IMMP2L: variants seen among roughly 807,000 people sequenced by gnomAD.
The protein encoded by IMMP2L is mitochondrial inner membrane protease subunit 2.
IMMP2L carries 18 observed loss-of-function variants against 19.3 expected under a neutral mutation model. That is an observed-to-expected ratio of 0.93 (90% confidence interval 0.64 to 1.38). IMMP2L has a LOEUF of 1.38. Ranked by LOEUF, IMMP2L falls within the 40% of genes most tolerant of loss-of-function variation. The probability of loss-of-function intolerance (pLI) is 0.00; values close to 1 mark genes in which losing one functional copy is unlikely to be tolerated. For synonymous variants in IMMP2L, 76 were observed against 73.0 expected, an observed-to-expected ratio of 1.04 and a Z score of -0.21; for missense variants, 233 against 218.2, an observed-to-expected ratio of 1.07 and a Z score of -0.43.
At position 110,854,981 on chromosome 7, in the gene IMMP2L, C is replaced by T. The variant is rs144244845; in HGVS notation, c.408+31612G>A. 1.3e-3 allele frequency among the ~76,000 whole-genome samples: 202 copies of T among 151,988 alleles called. 1 individual carries two copies. Among genetic ancestry groups the T allele is most frequent in the African/African-American group, 3.6e-3 (148 of 41,490 alleles). ...CTTCTAGATGTGTCATATTCCCAAA[C>T]CCATGTTAACAATTAAACTCATGAA... On this transcript the variant is annotated intron_variant, in intron 5 of 5. Transcript: ENST00000405709.
intron 3 of IMMP2L, among the ~76,000 whole-genome samples, chr7:111,375,676 C>A (rs1464411923): frequency 6.6e-6 from 1 of 152,018 alleles, no homozygotes; most frequent in Non-Finnish European, 1.5e-5. Flanking sequence ...AGGTGTGCGC[C>A]ACCATGCCTG....
intron 3 of IMMP2L, among the ~76,000 whole-genome samples, chr7:111,252,246 C>T (rs148601902): frequency 2.0e-5 from 3 of 152,132 alleles, no homozygotes; most frequent in East Asian, 3.9e-4. Flanking sequence ...GAAATGTAGG[C>T]ATCATCAACC....
chr7:111,030,884 G>GTGTATA (rs1397369486), intron 3 of IMMP2L, among the ~76,000 whole-genome samples: 1 of 127,142 alleles, frequency 7.9e-6, no homozygotes, highest in East Asian at 2.9e-4. Flanking sequence ...GTGTGTGTGT[G>GTGTATA]TATATATATA....
chr7:111,112,083 G>T (rs904276190), intron 3 of IMMP2L, among the ~76,000 whole-genome samples: 1 of 151,158 alleles, frequency 6.6e-6, no homozygotes, highest in South Asian at 2.1e-4. Flanking sequence ...GAGTAGCTGG[G>T]TTTACAGGCG....
intron 3 of IMMP2L, among the ~76,000 whole-genome samples, chr7:111,140,375 C>A (rs1295065753): frequency 1.3e-5 from 2 of 152,112 alleles, no homozygotes; most frequent in East Asian, 1.9e-4. Context: ...CTAATATGAA[C>A]CTTTGGACAA....
intron 3 of IMMP2L, among the ~76,000 whole-genome samples, chr7:111,207,534 G>GTT (rs376864629): frequency 0.017 from 1,527 of 89,948 alleles, 1 homozygote; most frequent in Non-Finnish European, 0.022. Context: ...TTTATTTTTG[G>GTT]TTTTTTTTTT....
At chr7:111,508,196 C>T (rs1263405685) in intron 2 of IMMP2L, among the ~76,000 whole-genome samples, 2 of 151,598 alleles carry the variant, frequency 1.3e-5, no homozygotes, top group Non-Finnish European at 2.9e-5. Flanking sequence ...GAAAAAAATT[C>T]ACTGACAAAA....
chr7:111,412,081 T>C (rs1584999918), intron 3 of IMMP2L, among the ~76,000 whole-genome samples: 1 of 151,852 alleles, frequency 6.6e-6, no homozygotes, highest in African/African-American at 2.4e-5. Context: ...GGAGGACAAA[T>C]GCAGGAGTAA....
intron 5 of IMMP2L, among the ~76,000 whole-genome samples, chr7:110,740,142 C>T (rs1360880678): frequency 1.3e-5 from 2 of 152,132 alleles, no homozygotes; most frequent in Non-Finnish European, 1.5e-5. Flanking sequence ...TCTAAGGTCA[C>T]ACCTCACAAA....
intron 3 of IMMP2L, among the ~76,000 whole-genome samples, chr7:111,466,422 T>C (rs1342706818): frequency 6.6e-6 from 1 of 152,124 alleles, no homozygotes; most frequent in Admixed American, 6.5e-5. Flanking sequence ...GAAATCCTCA[T>C]TGATCTTTGC....
intron 2 of IMMP2L, among the ~76,000 whole-genome samples, chr7:111,488,772 C>A (rs1041868392): frequency 6.6e-6 from 1 of 152,090 alleles, no homozygotes; most frequent in Non-Finnish European, 1.5e-5. Flanking sequence ...ATTTAAGGAA[C>A]CTCGATGCTG....
At chr7:111,500,149 G>A (rs1445323719) in intron 2 of IMMP2L, among the ~76,000 whole-genome samples, 2 of 152,176 alleles carry the variant, frequency 1.3e-5, no homozygotes, top group Non-Finnish European at 2.9e-5. Context: ...CGGCATACCA[G>A]GAGATTATAT....
chr7:111,477,403 T>C (rs1003740158), intron 3 of IMMP2L, among the ~76,000 whole-genome samples: 3 of 152,184 alleles, frequency 2.0e-5, no homozygotes, highest in Non-Finnish European at 2.9e-5. Flanking sequence ...ATTGAGCATG[T>C]GCCAGGGGCT....
At chr7:111,020,400 G>GA (rs1396045378) in intron 3 of IMMP2L, among the ~76,000 whole-genome samples, 2 of 151,852 alleles carry the variant, frequency 1.3e-5, no homozygotes, top group Admixed American at 1.3e-4. Flanking sequence ...ACAAGCAAAC[G>GA]AAAAAACCAA....
At chr7:111,500,360 G>T (rs1687959680) in intron 2 of IMMP2L, among the ~76,000 whole-genome samples, 1 of 152,170 alleles carries the variant, frequency 6.6e-6, no homozygotes, top group South Asian at 2.1e-4. Flanking sequence ...GCCTGCCTCT[G>T]TAGGCTCCAC....
intron 5 of IMMP2L, among the ~76,000 whole-genome samples, chr7:110,763,427 T>C (rs977707121): frequency 2.6e-5 from 4 of 152,126 alleles, no homozygotes; most frequent in Admixed American, 2.6e-4. Flanking sequence ...CGGTGGGCAG[T>C]GTACTAGGGT....
chr7:111,142,341 AAAGAAAGAAAG>A (rs1395925205), intron 3 of IMMP2L, among the ~76,000 whole-genome samples: 14 of 6,368 alleles, frequency 2.2e-3, no homozygotes, highest in African/African-American at 3.3e-3. Context: ...AAAAAAAAAA[AAAGAAAGAAAG>A]AAAGAAAGAA....
chr7:111,171,464 A>G (rs1462047188), intron 3 of IMMP2L, among the ~76,000 whole-genome samples: 1 of 151,624 alleles, frequency 6.6e-6, no homozygotes, highest in Non-Finnish European at 1.5e-5. Flanking sequence ...AGAGAGAGAA[A>G]GAAGCATTAG....
chr7:111,539,232 AAGAAAGAAAGAAAGAAAG>A (rs1487424220), intron 1 of IMMP2L, among the ~76,000 whole-genome samples: 22 of 127,478 alleles, frequency 1.7e-4, no homozygotes, highest in African/African-American at 4.8e-4. Context: ...GAAAGAAAGA[AAGAAAGAAAGAAAGAAAG>A]AAAGAAAGAA....
Sources: gnomAD v4.1 joint callset for allele counts (sites outside exome capture counted in the v4.1 genomes callset) on GRCh38, gnomAD v4.1.1 for gene constraint, MANE v1.5 for transcripts, NCBI Gene and HGNC (gene_info 2026-07-23, HGNC 2026-07-21) for gene names.